PCDH15: variants seen among roughly 807,000 people sequenced by gnomAD.
PCDH15 encodes the protein protocadherin related 15, also known as protocadherin-15.
In PCDH15, 129 loss-of-function variants were observed where a neutral mutation model predicts 178.5. The ratio of observed to expected loss-of-function variants is 0.72; its 90% CI spans 0.63 to 0.84. The LOEUF (loss-of-function observed/expected upper bound fraction) is 0.84, where lower values mean the gene tolerates loss of function less well. Among genes scored for constraint, PCDH15 ranks in the 40% least tolerant of loss-of-function variants. The probability of loss-of-function intolerance (pLI) is 0.00; values close to 1 mark genes in which losing one functional copy is unlikely to be tolerated. For synonymous variants in PCDH15, 800 were observed against 732.0 expected (o/e 1.09, Z -1.50); for missense variants, 2,230 against 2,099.9 (o/e 1.06, Z -1.21).
At chr10:53,949,249 T>G (rs1468238636) in intron 23 of PCDH15, among the ~76,000 whole-genome samples, 3 of 152,202 alleles carry the variant, frequency 2.0e-5, no homozygotes, top group Non-Finnish European at 4.4e-5. Flanking sequence ...CTATTATGTT[T>G]GAGGCAAGGT....
intron 1 of PCDH15, among the ~76,000 whole-genome samples, chr10:55,294,209 C>T (rs1186122131): frequency 6.6e-6 from 1 of 152,104 alleles, no homozygotes; most frequent in Admixed American, 6.5e-5. Flanking sequence ...AAGAACAAAA[C>T]AGGAAAAACC....
intron 1 of PCDH15, among the ~76,000 whole-genome samples, chr10:55,239,397 T>G (rs1215077002): frequency 2.0e-5 from 3 of 152,060 alleles, no homozygotes; most frequent in Non-Finnish European, 4.4e-5. Flanking sequence ...ATCCACACAT[T>G]TAGCAGTGAT....
chr10:55,397,810 C>A (rs989085442), intron 2 of PCDH15, among the ~76,000 whole-genome samples: 1 of 151,650 alleles, frequency 6.6e-6, no homozygotes, highest in South Asian at 2.1e-4. Context: ...TGGTCTCGAA[C>A]GAACTCCTGA....
intron 2 of PCDH15, among the ~76,000 whole-genome samples, chr10:55,408,735 A>T (rs1279321504): frequency 6.6e-6 from 1 of 152,130 alleles, no homozygotes; most frequent in African/African-American, 2.4e-5. Flanking sequence ...AACATACTGG[A>T]AATCACCATT....
At chr10:53,914,552 G>T (rs1451958060) in intron 25 of PCDH15, among the ~76,000 whole-genome samples, 1 of 152,072 alleles carries the variant, frequency 6.6e-6, no homozygotes, top group Non-Finnish European at 1.5e-5. Context: ...CTCATAGGTG[G>T]GAATTGAACA....
chr10:54,817,678 C>T (rs761360600), intron 3 of PCDH15, among the ~76,000 whole-genome samples: 4 of 151,966 alleles, frequency 2.6e-5, no homozygotes, highest in Non-Finnish European at 4.4e-5. Flanking sequence ...GAATTATACA[C>T]TGTATTTTGG....
intron 23 of PCDH15, among the ~76,000 whole-genome samples, chr10:53,952,216 G>T (rs1276041994): frequency 6.6e-6 from 1 of 152,174 alleles, no homozygotes; most frequent in Admixed American, 6.5e-5. Flanking sequence ...TGCTCTTTCA[G>T]TCCTGCCATT....
intron 1 of PCDH15, among the ~76,000 whole-genome samples, chr10:54,704,405 T>C (rs929894367): frequency 1.3e-5 from 2 of 152,110 alleles, no homozygotes; most frequent in South Asian, 4.2e-4. Context: ...TATTTGCAAA[T>C]TGTGCCTCTG....
intron 1 of PCDH15, among the ~76,000 whole-genome samples, chr10:54,793,289 A>G (rs1484283291): frequency 6.6e-6 from 1 of 151,802 alleles, no homozygotes; most frequent in African/African-American, 2.4e-5. Flanking sequence ...TCAATTCTCT[A>G]TTTTCAATAT....
intron 2 of PCDH15, among the ~76,000 whole-genome samples, chr10:55,135,574 C>CTTTTTTT (rs56956557): frequency 8.8e-5 from 6 of 68,220 alleles, no homozygotes; most frequent in East Asian, 4.6e-4. Flanking sequence ...TCTTTTCTTT[C>CTTTTTTT]TTTTTTTTTT....
At chr10:54,180,716 C>A (rs2047907531) in intron 13 of PCDH15, among the ~76,000 whole-genome samples, 1 of 152,088 alleles carries the variant, frequency 6.6e-6, no homozygotes, top group African/African-American at 2.4e-5. Context: ...TGTCTAGGTT[C>A]TTGGAGGATG....
intron 26 of PCDH15, among the ~76,000 whole-genome samples, chr10:53,887,619 T>C (rs907242656): frequency 6.6e-6 from 1 of 152,208 alleles, no homozygotes; most frequent in East Asian, 1.9e-4. Context: ...TCGGGCACGG[T>C]GGCTCACGCC....
chr10:54,749,755 T>C (rs1173324620), intron 1 of PCDH15, among the ~76,000 whole-genome samples: 2 of 152,122 alleles, frequency 1.3e-5, no homozygotes, highest in Non-Finnish European at 2.9e-5. Context: ...AAGTTAAATA[T>C]GTGGTAGCAG....
chr10:55,009,713 A>G (rs1840008192), intron 2 of PCDH15, among the ~76,000 whole-genome samples: 1 of 152,174 alleles, frequency 6.6e-6, no homozygotes, highest in Admixed American at 6.5e-5. Flanking sequence ...CTAAGCATGA[A>G]AAGAAATCTA....
chr10:54,289,048 T>C (rs1391811689), intron 8 of PCDH15, among the ~76,000 whole-genome samples: 1 of 152,238 alleles, frequency 6.6e-6, no homozygotes, highest in East Asian at 1.9e-4. Flanking sequence ...TGAGAACTAA[T>C]AGACTGCCTC....
chr10:54,329,783 C>T lies in PCDH15; in HGVS notation c.595-77G>A, dbSNP rs890563676. On this transcript the variant is annotated intron_variant, in intron 6 of 37. Coordinates refer to ENST00000644397, the MANE Select transcript of PCDH15 (RefSeq NM_001384140.1). ...AATAACTCAATATTTTGGATTAATCCTCTTGGAAGTTAGAGATGACATGCT... is the reference window on the plus strand; with the variant it reads ...AATAACTCAATATTTTGGATTAATCTTCTTGGAAGTTAGAGATGACATGCT... The T allele has an allele frequency of 5.2e-6, 5 of 967,224 alleles. No homozygotes were observed. In the African/African-American group the frequency reaches 8.0e-5, roughly 16 times the overall value. 59.9% of individuals were successfully genotyped at this position (967,224 alleles called of 1,614,324 possible).
intron 3 of PCDH15, among the ~76,000 whole-genome samples, chr10:54,426,480 C>T (rs1412665120): frequency 6.6e-6 from 1 of 152,116 alleles, no homozygotes. Flanking sequence ...GTAATGCTCA[C>T]TCATCCACCT....
At chr10:54,296,710 T>C (rs995255987) in intron 8 of PCDH15, among the ~76,000 whole-genome samples, 2 of 152,148 alleles carry the variant, frequency 1.3e-5, no homozygotes, top group Non-Finnish European at 2.9e-5. Flanking sequence ...CTCCTCAGGC[T>C]AGCAGGCCTA....
At chr10:55,301,201 A>G (rs1843268307) in intron 1 of PCDH15, among the ~76,000 whole-genome samples, 1 of 152,180 alleles carries the variant, frequency 6.6e-6, no homozygotes, top group African/African-American at 2.4e-5. Flanking sequence ...CCAAGTTGGT[A>G]ATGCAATTTT....
Sources: allele counts gnomAD v4.1 joint callset (sites outside exome capture counted in the v4.1 genomes callset), GRCh38; gene constraint gnomAD v4.1.1; transcripts MANE v1.5; gene names NCBI Gene and HGNC (gene_info 2026-07-23, HGNC 2026-07-21).